MSRA: variants seen among roughly 807,000 people sequenced by gnomAD.
The protein encoded by MSRA is mitochondrial peptide methionine sulfoxide reductase.
In MSRA, 54 loss-of-function variants were observed where a neutral mutation model predicts 31.3. The ratio of observed to expected loss-of-function variants is 1.73; its 90% CI spans 1.39 to 2.17. The LOEUF is 2.17. Among genes scored for constraint, MSRA ranks in the 30% most tolerant of loss-of-function variants. The pLI is 0.00. For missense variants in MSRA, 507 were observed against 300.9 expected (o/e 1.69, Z -5.07); for synonymous variants, 169 against 116.5 (o/e 1.45, Z -2.90).
chr8:10,374,160 T>G (rs1230860523), intron 5 of MSRA, among the ~76,000 whole-genome samples: 1 of 152,200 alleles, frequency 6.6e-6, no homozygotes, highest in African/African-American at 2.4e-5. Flanking sequence ...CAGGCCAAAT[T>G]CCTACGATCC....
At position 10,077,396 on chromosome 8, in the gene MSRA, G is replaced by A. The variant is rs189503442; in HGVS notation, c.142+22738G>A. Reference sequence around the variant, plus strand: ...AAATGTGTGTATTCTAAAGGGGGAAGATATGGGAAGATGTTGAAGAAAATC... The same window carrying A: ...AAATGTGTGTATTCTAAAGGGGGAAAATATGGGAAGATGTTGAAGAAAATC... On this transcript the variant is annotated intron_variant, in intron 1 of 5. Transcript: ENST00000317173. 1.9e-3 allele frequency among the ~76,000 whole-genome samples: 290 copies of A among 151,466 alleles called. 2 individuals are homozygous for A. Among genetic ancestry groups the A allele is most frequent in the African/African-American group, 6.7e-3 (275 of 41,336 alleles).
intron 1 of MSRA, among the ~76,000 whole-genome samples, chr8:10,089,504 A>G (rs952707824): frequency 2.0e-5 from 3 of 152,248 alleles, no homozygotes; most frequent in Non-Finnish European, 2.9e-5. Flanking sequence ...GTGGATATAG[A>G]AAGCAGCATC....
chr8:10,058,721 G>C lies in MSRA; in HGVS notation c.142+4063G>C, dbSNP rs1585059631. On this transcript the variant is annotated intron_variant, in intron 1 of 5. Transcript: ENST00000317173. Reference sequence around the variant, plus strand: ...ACTGATGTTCAGACCAAGACGAGGAGTGAGAACAGCCTAGTACCTTTTACA... The same window carrying C: ...ACTGATGTTCAGACCAAGACGAGGACTGAGAACAGCCTAGTACCTTTTACA... Among the ~76,000 whole-genome samples the C allele has an allele frequency of 2.0e-5, 3 of 152,246 alleles. No homozygotes were observed. The East Asian group carries it at 5.8e-4, about 29-fold the overall frequency.
At chr8:10,394,311 T>C (rs1016359902) in intron 5 of MSRA, among the ~76,000 whole-genome samples, 1 of 152,192 alleles carries the variant, frequency 6.6e-6, no homozygotes, top group African/African-American at 2.4e-5. Context: ...AAATACACTG[T>C]AGCAGTGTAC....
chr8:10,341,988 A>G (rs992872048), intron 5 of MSRA, among the ~76,000 whole-genome samples: 1 of 152,134 alleles, frequency 6.6e-6, no homozygotes, highest in Non-Finnish European at 1.5e-5. Flanking sequence ...CTCCCAGCCC[A>G]AGGTTAGGGG....
chr8:10,161,324 C>T lies in MSRA; in HGVS notation c.143-46509C>T, dbSNP rs111255396. 7.6e-3 allele frequency among the ~76,000 whole-genome samples: 1,153 copies of T among 152,224 alleles called. 21 individuals are homozygous for T. The highest frequency in any genetic ancestry group is 0.026 in the African/African-American group (1,089 of 41,524). On this transcript the variant is annotated intron_variant, in intron 1 of 5. Coordinates refer to ENST00000317173, the MANE Select transcript of MSRA (RefSeq NM_012331.5). Reference sequence around the variant, plus strand: ...ACCCCCTGGCTGTTTTTGCTGTTTCCTTGGGCAGGAATGGCACAATAAAGT... The same window carrying T: ...ACCCCCTGGCTGTTTTTGCTGTTTCTTTGGGCAGGAATGGCACAATAAAGT...
intron 1 of MSRA, among the ~76,000 whole-genome samples, chr8:10,134,399 A>T (rs1802114059): frequency 6.6e-6 from 1 of 152,234 alleles, no homozygotes; most frequent in African/African-American, 2.4e-5. Flanking sequence ...CAGACTGCAG[A>T]TACGTGCCTG....
chr8:10,260,609 A>G (rs1012497892), intron 3 of MSRA, among the ~76,000 whole-genome samples: 5 of 152,190 alleles, frequency 3.3e-5, no homozygotes, highest in Non-Finnish European at 7.3e-5. Flanking sequence ...AGGACGTATC[A>G]TGTTGACCCA....
Position 10,323,637 on chromosome 8 carries a change from T to C in MSRA, c.543+3648T>C, listed in dbSNP as rs567214490. ...ATAATTAATTAATGAGCTGCTATAA[T>C]TATCCTTTCATTATTTTTGTAGTTT... is the stretch of plus-strand genomic sequence containing the variant. On this transcript the variant is annotated intron_variant, in intron 5 of 5. Transcript: ENST00000317173. Among the ~76,000 whole-genome samples, 21 of 152,294 alleles carry C rather than the reference T, an allele frequency of 1.4e-4. No individual in the cohort carries two copies. The East Asian group carries it at 3.5e-3, about 25-fold the overall frequency.
At chr8:10,425,648 C>T (rs1015607891) in intron 5 of MSRA, among the ~76,000 whole-genome samples, 2 of 152,230 alleles carry the variant, frequency 1.3e-5, no homozygotes, top group Non-Finnish European at 2.9e-5. Context: ...TGGACGCCTC[C>T]AGTACGCAGG....
intron 1 of MSRA, among the ~76,000 whole-genome samples, chr8:10,159,951 C>G (rs1033419065): frequency 2.0e-5 from 3 of 152,138 alleles, no homozygotes; most frequent in Non-Finnish European, 2.9e-5. Context: ...TATAAAGTTT[C>G]CTTTGGTTTT....
intron 1 of MSRA, among the ~76,000 whole-genome samples, chr8:10,185,621 A>G (rs998483077): frequency 5.9e-5 from 9 of 152,174 alleles, no homozygotes; most frequent in African/African-American, 9.7e-5. Context: ...AGAGAGAGCA[A>G]TGGAGAAGAA....
chr8:10,396,977 G>C (rs886476654), intron 5 of MSRA, among the ~76,000 whole-genome samples: 1 of 152,190 alleles, frequency 6.6e-6, no homozygotes, highest in Non-Finnish European at 1.5e-5. Context: ...GTGTCGCTGA[G>C]TACCAGACTC....
At chr8:10,388,566 G>C (rs1039825261) in intron 5 of MSRA, among the ~76,000 whole-genome samples, 2 of 152,210 alleles carry the variant, frequency 1.3e-5, no homozygotes, top group East Asian at 1.9e-4. Context: ...GGAGACATCC[G>C]ATCTCTCACT....
At chr8:10,315,351 G>C (rs1362248110) in intron 4 of MSRA, among the ~76,000 whole-genome samples, 1 of 152,132 alleles carries the variant, frequency 6.6e-6, no homozygotes, top group Non-Finnish European at 1.5e-5. Flanking sequence ...CCAGAGAGAG[G>C]GAAGGCATTG....
In MSRA at chr8:10,077,496, T is replaced by C. The variant is rs1209718634; in HGVS notation, c.142+22838T>C. Among the ~76,000 whole-genome samples, 3 of 149,588 alleles carry C rather than the reference T, an allele frequency of 2.0e-5. No homozygotes were observed. The East Asian group carries it at 5.8e-4, about 29-fold the overall frequency. On this transcript the variant is annotated intron_variant, in intron 1 of 5. Transcript: ENST00000317173. ...ACCTTCTCCTTTTTTTTTTTTTTTT[T>C]TTTTTTAAATGAGACAGAGTCTCAC...
intron 1 of MSRA, among the ~76,000 whole-genome samples, chr8:10,125,533 A>G (rs1801435872): frequency 6.6e-6 from 1 of 152,150 alleles, no homozygotes; most frequent in African/African-American, 2.4e-5. Flanking sequence ...AAGCACATGG[A>G]CTGTGGTGGG....
chr8:10,261,312 C>G (rs983512853), intron 3 of MSRA, among the ~76,000 whole-genome samples: 2 of 150,654 alleles, frequency 1.3e-5, no homozygotes, highest in Non-Finnish European at 2.9e-5. Flanking sequence ...TTGAAAGTCA[C>G]TATGCTAGGG....
intron 4 of MSRA, among the ~76,000 whole-genome samples, chr8:10,309,305 G>A (rs558634458): frequency 2.6e-4 from 40 of 152,384 alleles, no homozygotes; most frequent in African/African-American, 7.2e-4. Flanking sequence ...GTGTCGGGGC[G>A]CACACGGGCG....
Sources: allele counts gnomAD v4.1 joint callset (sites outside exome capture counted in the v4.1 genomes callset), GRCh38; gene constraint gnomAD v4.1.1; transcripts MANE v1.5; gene names NCBI Gene and HGNC (gene_info 2026-07-23, HGNC 2026-07-21).